TLK2: variants seen among roughly 807,000 people sequenced by gnomAD.
TLK2 encodes the protein tousled like kinase 2.
A neutral mutation model predicts 117.3 loss-of-function variants in TLK2; 6 were observed. The ratio of observed to expected loss-of-function variants is 0.05; its 90% CI spans 0.03 to 0.10. The LOEUF is 0.10. Among genes scored for constraint, TLK2 ranks in the 10% least tolerant of loss-of-function variants. TLK2 has a pLI of 1.00. For missense variants in TLK2, 299 were observed against 901.2 expected, an observed-to-expected ratio of 0.33 and a Z score of 8.56; for synonymous variants, 257 against 316.7, an observed-to-expected ratio of 0.81 and a Z score of 2.00.
rs1201416567 is a variant in TLK2 at position 62,615,465 on chromosome 17, A to T, written c.*2900A>T. 2.6e-5 allele frequency: 4 copies of T among 152,222 alleles called. No individual in the cohort carries two copies. The highest frequency in any genetic ancestry group is 4.4e-5 in the Non-Finnish European group (3 of 68,058). 9.4% of individuals were successfully genotyped at this position (152,222 alleles called of 1,614,324 possible). ...GGGGAGGGAAGAAGGATATTAAAAT[A>T]AGTTTTAAGAAGCAAATTTCCCAGC... On this transcript the variant is annotated 3_prime_UTR_variant, in exon 22 of 22. Coordinates refer to ENST00000346027, the MANE Select transcript of TLK2 (RefSeq NM_006852.6).
intron 21 of TLK2, among the ~76,000 whole-genome samples, chr17:62,609,665 A>C (rs1465078260): frequency 6.6e-6 from 1 of 152,198 alleles, no homozygotes; most frequent in African/African-American, 2.4e-5. Context: ...GACTTGTCCT[A>C]GGAGAGCTGG....
chr17:62,574,307 G>A (rs1461460714), intron 12 of TLK2: 16 of 1,534,940 alleles, frequency 1.0e-5, no homozygotes, highest in South Asian at 6.0e-5. Context: ...CTTGATGTTC[G>A]TTTAGTAAGT....
intron 2 of TLK2, among the ~76,000 whole-genome samples, chr17:62,496,770 A>T (rs1304016634): frequency 2.0e-5 from 3 of 152,044 alleles, no homozygotes; most frequent in Non-Finnish European, 1.5e-5. Context: ...CCTGGCTAAC[A>T]TAGTGAAACC....
upstream of TLK2, among the ~76,000 whole-genome samples, chr17:62,476,322 G>A (rs541661318): frequency 1.3e-5 from 2 of 151,502 alleles, no homozygotes; most frequent in South Asian, 4.3e-4. Flanking sequence ...GGTGGCTCAT[G>A]CCTGTAATCA....
At chr17:62,526,539 C>A (rs887655552) in intron 6 of TLK2, among the ~76,000 whole-genome samples, 4 of 152,228 alleles carry the variant, frequency 2.6e-5, no homozygotes, top group Non-Finnish European at 5.9e-5. Context: ...TAGCCCTTCA[C>A]ATGGGGTCTG....
At chr17:62,550,145 A>T (rs1396301546) in intron 7 of TLK2, 1 of 149,432 alleles carries the variant, frequency 6.7e-6, no homozygotes, top group East Asian at 2.0e-4. Context: ...GCGCCTGGCT[A>T]ATTTTTTGTA....
chr17:62,503,679 A>G (rs949292461), intron 2 of TLK2, among the ~76,000 whole-genome samples: 3 of 151,472 alleles, frequency 2.0e-5, no homozygotes, highest in Non-Finnish European at 4.4e-5. Flanking sequence ...CCAGTCTCCC[A>G]AAGTGCTGGG....
chr17:62,564,632 C>T (rs146366482), intron 10 of TLK2, among the ~76,000 whole-genome samples: 26 of 151,702 alleles, frequency 1.7e-4, no homozygotes, highest in African/African-American at 5.3e-4. Context: ...CGCTTGAACC[C>T]GGGAAGAAGA....
intron 7 of TLK2, chr17:62,550,415 T>A (rs2078362735): frequency 6.6e-6 from 1 of 152,272 alleles, no homozygotes; most frequent in Admixed American, 6.5e-5. Context: ...ACAGTTTCTT[T>A]CAACAAATAT....
At chr17:62,598,181 G>A (rs752182239) in intron 17 of TLK2, among the ~76,000 whole-genome samples, 2 of 152,166 alleles carry the variant, frequency 1.3e-5, no homozygotes, top group Non-Finnish European at 2.9e-5. Context: ...GGCAGGATTG[G>A]GAAACAAGGG....
intron 16 of TLK2, among the ~76,000 whole-genome samples, chr17:62,587,923 C>T (rs2081749423): frequency 6.6e-6 from 1 of 151,520 alleles, no homozygotes; most frequent in African/African-American, 2.4e-5. Flanking sequence ...TTTAAAAATG[C>T]CCTGTAGGGC....
intron 2 of TLK2, among the ~76,000 whole-genome samples, chr17:62,483,011 C>T (rs1010984988): frequency 8.5e-5 from 13 of 152,104 alleles, no homozygotes; most frequent in Non-Finnish European, 1.5e-4. Context: ...TGCCCCTGGA[C>T]GTTGTATACT....
intron 3 of TLK2, among the ~76,000 whole-genome samples, chr17:62,521,213 G>A (rs1386253829): frequency 2.0e-5 from 3 of 152,156 alleles, no homozygotes; most frequent in African/African-American, 7.2e-5. Context: ...TAGACTCTGT[G>A]TAAATTGCTC....
At chr17:62,573,979 G>A (rs1384989921) in intron 12 of TLK2, among the ~76,000 whole-genome samples, 1 of 152,110 alleles carries the variant, frequency 6.6e-6, no homozygotes, top group Non-Finnish European at 1.5e-5. Flanking sequence ...TATAGGAGGA[G>A]TAGAAAATTC....
chr17:62,567,009 G>A (rs8077650), intron 11 of TLK2, among the ~76,000 whole-genome samples: 101,947 of 152,044 alleles, frequency 0.67, 34,420 homozygotes, highest in East Asian at 0.81. Flanking sequence ...GGGTGGATCA[G>A]TTGAGCCCAG....
chr17:62,553,884 C>T (rs1351054492), intron 9 of TLK2, 129 bp downstream of exon 9: 12 of 634,942 alleles, frequency 1.9e-5, no homozygotes, highest in Admixed American at 3.2e-5. Flanking sequence ...GGGTATTTTT[C>T]TTTAATTGAG....
intron 6 of TLK2, among the ~76,000 whole-genome samples, chr17:62,525,948 C>T (rs1259057031): frequency 5.9e-5 from 9 of 152,128 alleles, no homozygotes; most frequent in Admixed American, 2.6e-4. Flanking sequence ...TAGAATTTCT[C>T]GATGTTGTCT....
In TLK2 at chr17:62,540,652, G is replaced by A. The variant is rs1201351856; in HGVS notation, c.531+4315G>A. Among the ~76,000 whole-genome samples, 10 of 151,448 alleles carry A rather than the reference G, an allele frequency of 6.6e-5. No individual in the cohort carries two copies. The East Asian group carries it at 2.0e-3, about 30-fold the overall frequency. On this transcript the variant is annotated intron_variant, in intron 7 of 21. Transcript: ENST00000346027. ...AACCTCAGGTGATCCACCCGCCTTGGCCTCCCAAAGTGCTGGGATTACAGG... is the reference window on the plus strand; with the variant it reads ...AACCTCAGGTGATCCACCCGCCTTGACCTCCCAAAGTGCTGGGATTACAGG...
At chr17:62,504,270 T>C (rs1456407216) in intron 2 of TLK2, among the ~76,000 whole-genome samples, 1 of 152,180 alleles carries the variant, frequency 6.6e-6, no homozygotes, top group Non-Finnish European at 1.5e-5. Flanking sequence ...CCCCAACATA[T>C]AGTACTGTTT....
Sources: gnomAD v4.1 joint callset for allele counts (sites outside exome capture counted in the v4.1 genomes callset) on GRCh38, gnomAD v4.1.1 for gene constraint, MANE v1.5 for transcripts, NCBI Gene and HGNC (gene_info 2026-07-23, HGNC 2026-07-21) for gene names.